Variants in SLC4A4 observed in about 807,000 individuals in gnomAD.
SLC4A4 encodes the protein solute carrier family 4 member 4.
A neutral mutation model predicts 111.5 loss-of-function variants in SLC4A4; 27 were observed. The observed-to-expected ratio is 0.24, with a 90% confidence interval of 0.18 to 0.33. The LOEUF is 0.33. Among genes scored for constraint, SLC4A4 ranks in the 10% least tolerant of loss-of-function variants. The pLI, the probability that SLC4A4 is intolerant of heterozygous loss-of-function variation, is 1.00. For missense variants in SLC4A4, 909 were observed against 1,315.5 expected (o/e 0.69, Z 4.78); for synonymous variants, 443 against 463.4 (o/e 0.96, Z 0.57).
chr4:71,084,201 ATCT>A (rs1742079748), intron 1 of SLC4A4, among the ~76,000 whole-genome samples: 1 of 152,086 alleles, frequency 6.6e-6, no homozygotes, highest in Non-Finnish European at 1.5e-5. Flanking sequence ...ATATCTTAAC[ATCT>A]TCTAAGAGCA....
intron 2 of SLC4A4, among the ~76,000 whole-genome samples, chr4:71,139,962 A>G (rs1029569208): frequency 1.3e-5 from 2 of 151,748 alleles, no homozygotes; most frequent in African/African-American, 4.9e-5. Context: ...ATCTAACTGT[A>G]TATTTGTACC....
intron 2 of SLC4A4, among the ~76,000 whole-genome samples, chr4:71,102,085 T>C (rs1742757512): frequency 6.6e-6 from 1 of 152,028 alleles, no homozygotes; most frequent in Admixed American, 6.6e-5. Flanking sequence ...AAGGAGCTGA[T>C]GGAGCTGAAA....
At chr4:71,120,022 T>C (rs1007517878) in intron 2 of SLC4A4, among the ~76,000 whole-genome samples, 2 of 152,202 alleles carry the variant, frequency 1.3e-5, no homozygotes, top group African/African-American at 4.8e-5. Context: ...TGCAAGCTTG[T>C]CTTTTATGTT....
At chr4:71,536,486 A>ATATATATATATATATGTG (rs199681803) in intron 18 of SLC4A4, among the ~76,000 whole-genome samples, 1 of 68,046 alleles carries the variant, frequency 1.5e-5, no homozygotes, top group Non-Finnish European at 2.8e-5. Context: ...ATATATATAT[A>ATATATATATATATATGTG]TGTATATATT....
chr4:71,246,366 C>A (rs1230336696), intron 2 of SLC4A4, among the ~76,000 whole-genome samples: 1 of 152,070 alleles, frequency 6.6e-6, no homozygotes, highest in Non-Finnish European at 1.5e-5. Flanking sequence ...AAAGAGTGTG[C>A]TTGAGGTTGA....
chr4:71,283,768 A>T (rs771587205), intron 3 of SLC4A4, among the ~76,000 whole-genome samples: 2 of 152,194 alleles, frequency 1.3e-5, no homozygotes, highest in African/African-American at 2.4e-5. Flanking sequence ...CTGGTTTTGC[A>T]TGTGTTCCAG....
intron 15 of SLC4A4, among the ~76,000 whole-genome samples, chr4:71,491,381 G>C (rs910855638): frequency 6.6e-6 from 1 of 151,884 alleles, no homozygotes; most frequent in Non-Finnish European, 1.5e-5. Context: ...CCACTTCATT[G>C]TAACGTTGAT....
chr4:71,223,414 C>A (rs904416967), intron 1 of SLC4A4, among the ~76,000 whole-genome samples: 2 of 152,042 alleles, frequency 1.3e-5, no homozygotes, highest in South Asian at 4.1e-4. Context: ...CTGCCTGCCT[C>A]GGCCTCCCAA....
At chr4:71,190,152 A>G (rs867024395) in intron 1 of SLC4A4, among the ~76,000 whole-genome samples, 4 of 152,212 alleles carry the variant, frequency 2.6e-5, no homozygotes, top group African/African-American at 7.2e-5. Context: ...TAGGAATCTT[A>G]GAGGAAAGGA....
At chr4:71,105,834 G>A (rs1259111192) in intron 2 of SLC4A4, among the ~76,000 whole-genome samples, 2 of 68,636 alleles carry the variant, frequency 2.9e-5, no homozygotes, top group Non-Finnish European at 4.1e-5. Flanking sequence ...AGAAAACCTA[G>A]GCATTACCAT....
chr4:71,218,826 T>A (rs1009659570), intron 1 of SLC4A4, among the ~76,000 whole-genome samples: 1 of 152,148 alleles, frequency 6.6e-6, no homozygotes, highest in African/African-American at 2.4e-5. Flanking sequence ...TGGCCACATT[T>A]TCAGAAAATT....
At chr4:71,171,106 C>G (rs1052783783) in intron 2 of SLC4A4, among the ~76,000 whole-genome samples, 2 of 151,492 alleles carry the variant, frequency 1.3e-5, no homozygotes, top group African/African-American at 4.9e-5. Flanking sequence ...GGATTTCATT[C>G]AACAGTTGAT....
At chr4:71,349,826 G>A (rs1355456717) in intron 4 of SLC4A4, 86 bp from the exon 5 acceptor site, 1 of 1,207,880 alleles carries the variant, frequency 8.3e-7, no homozygotes, top group East Asian at 2.3e-5. Flanking sequence ...AGTGCTGGAA[G>A]GGGTGAAGAT....
chr4:71,311,590 G>T (rs1042867296), intron 3 of SLC4A4, among the ~76,000 whole-genome samples: 3 of 152,076 alleles, frequency 2.0e-5, no homozygotes, highest in African/African-American at 7.2e-5. Flanking sequence ...ATGACTACTT[G>T]GGTAAATAAC....
intron 3 of SLC4A4, among the ~76,000 whole-genome samples, chr4:71,264,282 A>G (rs1232596534): frequency 1.3e-5 from 2 of 152,156 alleles, no homozygotes; most frequent in African/African-American, 2.4e-5. Context: ...AAAAAAACAC[A>G]TTGCACATGA....
chr4:71,193,316 C>T (rs1412063191), intron 1 of SLC4A4, among the ~76,000 whole-genome samples: 1 of 152,100 alleles, frequency 6.6e-6, no homozygotes, highest in Non-Finnish European at 1.5e-5. Flanking sequence ...CCCGCCACCA[C>T]GTCCGGCTAA....
intron 16 of SLC4A4, among the ~76,000 whole-genome samples, chr4:71,507,749 G>T (rs1731548242): frequency 6.6e-6 from 1 of 152,184 alleles, no homozygotes; most frequent in African/African-American, 2.4e-5. Context: ...AGACTTGATA[G>T]ATATCTACAG....
intron 15 of SLC4A4, among the ~76,000 whole-genome samples, chr4:71,495,659 A>G (rs1578040568): frequency 1.3e-5 from 2 of 152,116 alleles, no homozygotes; most frequent in East Asian, 3.9e-4. Context: ...TTATGACTAT[A>G]TTACTCATAT....
intron 1 of SLC4A4, among the ~76,000 whole-genome samples, chr4:71,216,660 A>G (rs1012120029): frequency 1.3e-5 from 2 of 152,160 alleles, no homozygotes; most frequent in Non-Finnish European, 2.9e-5. Context: ...TTGGAAGGCT[A>G]TCTGGTTATC....
Sources: gnomAD v4.1 joint callset for allele counts (sites outside exome capture counted in the v4.1 genomes callset) on GRCh38, gnomAD v4.1.1 for gene constraint, MANE v1.5 for transcripts, NCBI Gene and HGNC (gene_info 2026-07-23, HGNC 2026-07-21) for gene names.